The following PIK3C2G variants were observed in gnomAD, a reference collection of about 807,000 sequenced individuals.
PIK3C2G encodes phosphatidylinositol 3-kinase C2 domain-containing subunit gamma.
A neutral mutation model predicts 181.1 loss-of-function variants in PIK3C2G; 168 were observed. The ratio of observed to expected loss-of-function variants is 0.93; its 90% CI spans 0.82 to 1.05. PIK3C2G has a LOEUF of 1.05. PIK3C2G is among the 50% of genes least tolerant of loss of function. The pLI is 0.00. For synonymous variants in PIK3C2G, 573 were observed against 592.2 expected, an observed-to-expected ratio of 0.97 and a Z score of 0.47; for missense variants, 1,869 against 1,732.8, an observed-to-expected ratio of 1.08 and a Z score of -1.40.
intron 26 of PIK3C2G, among the ~76,000 whole-genome samples, chr12:18,549,512 T>C (rs532979747): frequency 2.7e-4 from 41 of 152,108 alleles, no homozygotes; most frequent in African/African-American, 9.9e-4. Context: ...ATTTTTATAC[T>C]AGTGAATTGA....
Position 18,536,586 on chromosome 12 carries a change from A to G in PIK3C2G, c.3324-1570A>G, listed in dbSNP as rs187951108. Among the ~76,000 whole-genome samples, 40 of 152,114 alleles carry G rather than the reference A, an allele frequency of 2.6e-4. No homozygotes were observed. In the East Asian group the frequency reaches 6.8e-3, roughly 26 times the overall value. ...AGTTCACAAATGTGCCACCCTCCCT[A>G]TGTGTCAGGCATTTATGTACATGTA... On this transcript the variant is annotated intron_variant, in intron 24 of 32. Transcript: ENST00000538779.
chr12:18,494,428 A>G (rs1940837083), intron 20 of PIK3C2G, among the ~76,000 whole-genome samples: 1 of 151,776 alleles, frequency 6.6e-6, no homozygotes, highest in Non-Finnish European at 1.5e-5. Flanking sequence ...CTGTGTGTGT[A>G]CCACCAAATT....
chr12:18,529,662 T>C (rs980981677), intron 24 of PIK3C2G, among the ~76,000 whole-genome samples: 1 of 152,196 alleles, frequency 6.6e-6, no homozygotes, highest in African/African-American at 2.4e-5. Context: ...AAAAGGCTGA[T>C]AACTTTAAGG....
rs1202634912 is a variant in PIK3C2G, at chr12:18,567,027, G to A, written c.3981G>A (p.Gln1327=). 8 of 1,525,778 alleles carry A rather than the reference G, an allele frequency of 5.2e-6. No individual in the cohort carries two copies. The East Asian group carries it at 1.8e-4, about 34-fold the overall frequency. The allele number at this position is 1,525,778 out of a possible 1,614,324, so 94.5% of individuals were successfully genotyped here. The change falls in exon 29 of 33, where the codon CAG becomes CAA. Residue 1327 remains glutamine (Q), a synonymous_variant. Transcript: ENST00000538779. ...GAGATCTAAATCATTACATGGAACA[G>A]ATATTAAATGTATCACATGAAGTTA... The part of the protein sequence containing the change: ...RFRDLNHYME[Q]ILNVSHEVTN...
chr12:18,611,863 G>A (rs1366770445), intron 31 of PIK3C2G, among the ~76,000 whole-genome samples: 1 of 152,062 alleles, frequency 6.6e-6, no homozygotes, highest in Non-Finnish European at 1.5e-5. Context: ...TCTCTTACTT[G>A]AATTACTGCT....
chr12:18,688,190 G>A, the PIK3C2G span: 2 of 1,610,422 alleles, frequency 1.2e-6, no homozygotes, highest in South Asian at 1.1e-5. Flanking sequence ...TGATGAATGA[G>A]TAAGAGGCAA....
chr12:18,635,191 C>T (rs1949536995), intron 31 of PIK3C2G, among the ~76,000 whole-genome samples: 1 of 152,196 alleles, frequency 6.6e-6, no homozygotes, highest in African/African-American at 2.4e-5. Flanking sequence ...TATCCGTAAA[C>T]CAGGCCTCAT....
intron 26 of PIK3C2G, among the ~76,000 whole-genome samples, chr12:18,557,030 G>C (rs1680255048): frequency 6.6e-6 from 1 of 152,046 alleles, no homozygotes; most frequent in South Asian, 2.1e-4. Flanking sequence ...TTGTAAAGAA[G>C]GCATTGCATG....
chr12:18,428,241 A>C (rs1354037843), intron 18 of PIK3C2G, among the ~76,000 whole-genome samples: 1 of 151,894 alleles, frequency 6.6e-6, no homozygotes. Context: ...TCTGTGCAAA[A>C]TGTTTGTGTT....
chr12:18,639,918 G>A (rs1446413757), intron 31 of PIK3C2G, among the ~76,000 whole-genome samples: 1 of 151,406 alleles, frequency 6.6e-6, no homozygotes. Context: ...AAATCTTGTA[G>A]GTATATTAAA....
At chr12:18,396,629 T>C (rs1465992100) in intron 15 of PIK3C2G, among the ~76,000 whole-genome samples, 1 of 151,692 alleles carries the variant, frequency 6.6e-6, no homozygotes, top group East Asian at 1.9e-4. Context: ...CAAGATCTAA[T>C]TGTGTTCCAG....
chr12:18,662,971 AAACC>A, the PIK3C2G span, among the ~76,000 whole-genome samples: 10 of 152,228 alleles, frequency 6.6e-5, no homozygotes, highest in East Asian at 1.2e-3. Context: ...AGGCATGTAG[AAACC>A]AAATAGAAAA....
At chr12:18,652,083 A>G (rs1950544116), downstream of PIK3C2G, among the ~76,000 whole-genome samples, 1 of 152,184 alleles carries the variant, frequency 6.6e-6, no homozygotes, top group Admixed American at 6.5e-5. Flanking sequence ...TAATCTGAGT[A>G]TTATGGACTA....
chr12:18,299,502 C>T (rs1950086636), intron 5 of PIK3C2G, among the ~76,000 whole-genome samples: 1 of 151,938 alleles, frequency 6.6e-6, no homozygotes, highest in African/African-American at 2.4e-5. Flanking sequence ...GACAACTTGA[C>T]TTTCTCTTTT....
chr12:18,701,716 C>A, the PIK3C2G span: 3 of 1,612,332 alleles, frequency 1.9e-6, no homozygotes, highest in Non-Finnish European at 2.5e-6. Context: ...CCTTTTCTTT[C>A]ATGGGTTTCC....
intron 25 of PIK3C2G, among the ~76,000 whole-genome samples, chr12:18,541,625 G>A (rs1412067111): frequency 2.0e-5 from 3 of 151,726 alleles, no homozygotes; most frequent in African/African-American, 7.3e-5. Flanking sequence ...TTGGACTTAA[G>A]AGAACAGAAG....
upstream of PIK3C2G, among the ~76,000 whole-genome samples, chr12:18,257,736 G>GGGAA (rs555035086): frequency 1.9e-3 from 275 of 146,412 alleles, no homozygotes; most frequent in African/African-American, 6.6e-3. Context: ...GAAGGAGGGA[G>GGGAA]GGAAGGAAGG....
chr12:18,667,978 A>C, the PIK3C2G span, among the ~76,000 whole-genome samples: 107,720 of 151,278 alleles, frequency 0.71, 38,893 homozygotes, highest in African/African-American at 0.8. Context: ...ACAACAACAA[A>C]AAAAAAAGGC....
chr12:18,351,851 T>G (rs1940246622), intron 11 of PIK3C2G, among the ~76,000 whole-genome samples: 1 of 152,178 alleles, frequency 6.6e-6, no homozygotes, highest in Non-Finnish European at 1.5e-5. Context: ...GAGGCATTAT[T>G]GACAACCACC....
Sources: gnomAD v4.1 joint callset for allele counts (sites outside exome capture counted in the v4.1 genomes callset) on GRCh38, gnomAD v4.1.1 for gene constraint, MANE v1.5 for transcripts, NCBI Gene and HGNC (gene_info 2026-07-23, HGNC 2026-07-21) for gene names.